MGARP: variants seen among roughly 807,000 people sequenced by gnomAD.
MGARP encodes mitochondria localized glutamic acid rich protein, also known as protein MGARP.
A neutral mutation model predicts 11.0 loss-of-function variants in MGARP; 12 were observed. That is an observed-to-expected ratio of 1.09 (90% CI 0.70 to 1.77). MGARP has a LOEUF of 1.77. Ranked by LOEUF, MGARP falls within the 40% of genes most tolerant of loss-of-function variation. The pLI is 0.00. For synonymous variants in MGARP, 110 were observed against 115.4 expected, an observed-to-expected ratio of 0.95 and a Z score of 0.30; for missense variants, 283 against 297.8, an observed-to-expected ratio of 0.95 and a Z score of 0.36.
chr4:139,280,163 C>T lies in MGARP; in HGVS notation c.-5G>A, dbSNP rs769112379. Reference sequence around the variant, plus strand: ...GACCGCCCTGCGGAGATACATCGCGCCCGCTGTCCGCCGCGCAGCAGCCTC... The same window carrying T: ...GACCGCCCTGCGGAGATACATCGCGTCCGCTGTCCGCCGCGCAGCAGCCTC... On this transcript the variant is annotated 5_prime_UTR_variant, in exon 1 of 4. Coordinates refer to ENST00000398955, the MANE Select transcript of MGARP (RefSeq NM_032623.4). 4 of 1,606,266 alleles carry T rather than the reference C, an allele frequency of 2.5e-6. No homozygotes were observed. In the South Asian group the frequency reaches 3.3e-5, roughly 13 times the overall value.
chr4:139,268,612 T>C, intron 3 of MGARP, 60 bp downstream of exon 3: 1 of 1,186,596 alleles, frequency 8.4e-7, no homozygotes, highest in South Asian at 1.4e-5. Context: ...CTAGACTAAG[T>C]GGATGGAAAT....
intron 1 of MGARP, among the ~76,000 whole-genome samples, chr4:139,278,033 G>A (rs1744897893): frequency 6.6e-6 from 1 of 152,092 alleles, no homozygotes; most frequent in Non-Finnish European, 1.5e-5. Flanking sequence ...TTCAAGACCA[G>A]CCTGACCAAC....
intron 2 of MGARP, among the ~76,000 whole-genome samples, chr4:139,274,929 A>G (rs1744843815): frequency 6.6e-6 from 1 of 152,254 alleles, no homozygotes; most frequent in African/African-American, 2.4e-5. Flanking sequence ...CACTATTAGC[A>G]TTTATAATAA....
intron 1 of MGARP, among the ~76,000 whole-genome samples, chr4:139,277,857 G>A (rs1744895437): frequency 6.6e-6 from 1 of 152,040 alleles, no homozygotes; most frequent in Non-Finnish European, 1.5e-5. Flanking sequence ...TAGGATTACA[G>A]GTGAATTCCA....
In MGARP at chr4:139,268,674, T is replaced by C; in HGVS notation, c.278A>G (p.Gln93Arg). The change falls in exon 3 of 4, where the codon CAA (glutamine) becomes CGA (arginine). Residue 93 changes from glutamine (Q) to arginine (R), a missense_variant and splice_region_variant. Coordinates refer to ENST00000398955, the MANE Select transcript of MGARP (RefSeq NM_032623.4). ...EKTKAEIHPF[Q>R]GEKENVAETE... ...AAAAAATTAAGAAATTCATTTACCTTGAAATGGATGTATCTCTGCTTTTGT... is the reference window on the plus strand; with the variant it reads ...AAAAAATTAAGAAATTCATTTACCTCGAAATGGATGTATCTCTGCTTTTGT... 6.3e-7 allele frequency: 1 copy of C among 1,585,402 alleles called. No individual in the cohort carries two copies. The highest frequency in any genetic ancestry group is 1.1e-5 in the South Asian group (1 of 87,382).
At chr4:139,268,640 A>C in intron 3 of MGARP, 32 bp downstream of exon 3, 1 of 1,485,750 alleles carries the variant, frequency 6.7e-7, no homozygotes, top group Non-Finnish European at 9.2e-7. Flanking sequence ...TCAAAAAATA[A>C]ATAAAAATAA....
chr4:139,279,930 T>G, intron 1 of MGARP, 147 bp downstream of exon 1: 1 of 801,402 alleles, frequency 1.2e-6, no homozygotes, highest in South Asian at 1.6e-5. Flanking sequence ...TTCCCGGGAG[T>G]CTCCCCCAGT....
intron 2 of MGARP, among the ~76,000 whole-genome samples, chr4:139,274,634 C>T (rs1018395217): frequency 5.3e-5 from 8 of 152,066 alleles, no homozygotes; most frequent in African/African-American, 1.4e-4. Flanking sequence ...CAGGCACACA[C>T]CACCATGCTG....
intron 1 of MGARP, among the ~76,000 whole-genome samples, chr4:139,279,427 G>A (rs1744920588): frequency 1.3e-5 from 2 of 152,158 alleles, no homozygotes; most frequent in Admixed American, 6.5e-5. Flanking sequence ...GTTGCAGGAC[G>A]ACGTGCAACC....
intron 1 of MGARP, 84 bp downstream of exon 1, chr4:139,279,993 T>G (rs1354408508): frequency 8.2e-6 from 12 of 1,467,148 alleles, no homozygotes; most frequent in Non-Finnish European, 1.0e-5. Context: ...TTTGGCCAAC[T>G]GGGTGCCGGC....
intron 2 of MGARP, among the ~76,000 whole-genome samples, chr4:139,274,137 G>A (rs1284767393): frequency 6.6e-6 from 1 of 152,170 alleles, no homozygotes. Context: ...TGGGAGGAGA[G>A]AGGGAGAAAT....
In MGARP at chr4:139,266,376, C is replaced by T; in HGVS notation, c.*223G>A. ...ATGAAACTATTTAAGCTCTTTACTG[C>T]AATGTCATATTCTGATCTCAGACAG... On this transcript the variant is annotated 3_prime_UTR_variant, in exon 4 of 4. Transcript: ENST00000398955. 4.2e-6 allele frequency: 2 copies of T among 474,790 alleles called. No homozygotes were observed. The allele number at this position is 474,790 out of a possible 1,614,324, so 29.4% of individuals were successfully genotyped here.
chr4:139,274,496 T>A (rs1163266962), intron 2 of MGARP, among the ~76,000 whole-genome samples: 1 of 152,100 alleles, frequency 6.6e-6, no homozygotes, highest in Non-Finnish European at 1.5e-5. Flanking sequence ...TTTTAAATTT[T>A]TTTTGGAAAC....
intron 3 of MGARP, among the ~76,000 whole-genome samples, chr4:139,267,581 T>C (rs1182955626): frequency 1.3e-5 from 2 of 152,180 alleles, no homozygotes; most frequent in African/African-American, 4.8e-5. Flanking sequence ...CACAGGGTTA[T>C]TGTAAAGATT....
chr4:139,270,292 C>T (rs1258680673), intron 2 of MGARP, among the ~76,000 whole-genome samples: 3 of 144,178 alleles, frequency 2.1e-5, no homozygotes, highest in South Asian at 4.4e-4. Context: ...GAGGGAAACT[C>T]CGTCTCAAAA....
chr4:139,279,953 C>T, intron 1 of MGARP, 124 bp downstream of exon 1: 2 of 987,244 alleles, frequency 2.0e-6, no homozygotes, highest in South Asian at 1.4e-5. Flanking sequence ...CCTCGACCTC[C>T]AATCCAGGCT....
intron 2 of MGARP, among the ~76,000 whole-genome samples, chr4:139,271,757 A>T (rs1043617922): frequency 6.6e-6 from 1 of 152,188 alleles, no homozygotes; most frequent in African/African-American, 2.4e-5. Flanking sequence ...GTAGCCTAAG[A>T]TTCCTGGCAA....
chr4:139,268,318 A>T (rs1579046244), intron 3 of MGARP, among the ~76,000 whole-genome samples: 2 of 152,244 alleles, frequency 1.3e-5, no homozygotes, highest in East Asian at 3.8e-4. Context: ...CAAAACTGAA[A>T]GATAATTTGT....
chr4:139,272,768 C>A (rs1427842040), intron 2 of MGARP, among the ~76,000 whole-genome samples: 18 of 143,062 alleles, frequency 1.3e-4, no homozygotes, highest in African/African-American at 4.8e-4. Flanking sequence ...CTCACTGCAA[C>A]CTCCGCCTCC....
Sources: allele counts gnomAD v4.1 joint callset (sites outside exome capture counted in the v4.1 genomes callset), GRCh38; gene constraint gnomAD v4.1.1; transcripts MANE v1.5; gene names NCBI Gene and HGNC (gene_info 2026-07-23, HGNC 2026-07-21).